ANAPC4: variants seen among roughly 807,000 people sequenced by gnomAD.
ANAPC4 encodes the protein anaphase promoting complex subunit 4.
Under a neutral mutation model 119.8 loss-of-function variants are expected in ANAPC4, and 63 were observed. That is an observed-to-expected ratio of 0.53 (90% confidence interval 0.43 to 0.65). ANAPC4 has a LOEUF of 0.65. Ranked by LOEUF, ANAPC4 falls within the 30% of genes least tolerant of loss-of-function variation. The pLI is 0.00. For missense variants in ANAPC4, 716 were observed against 945.1 expected, an observed-to-expected ratio of 0.76 and a Z score of 3.18; for synonymous variants, 283 against 318.6, an observed-to-expected ratio of 0.89 and a Z score of 1.19.
chr4:25,401,290 G>A (rs901132187), intron 16 of ANAPC4, among the ~76,000 whole-genome samples: 1 of 145,960 alleles, frequency 6.9e-6, no homozygotes, highest in African/African-American at 2.8e-5. Flanking sequence ...AATCTGTGTA[G>A]GTTGGGGCAG....
chr4:25,403,537 G>C (rs898281456), intron 17 of ANAPC4, among the ~76,000 whole-genome samples: 1 of 151,746 alleles, frequency 6.6e-6, no homozygotes, highest in Non-Finnish European at 1.5e-5. Context: ...GATTTTAAAA[G>C]TAAAAAAGAA....
intron 25 of ANAPC4, 44 bp from the exon 26 acceptor site, chr4:25,415,422 G>C (rs1291407765): frequency 2.0e-6 from 3 of 1,464,784 alleles, no homozygotes; most frequent in African/African-American, 2.8e-5. Context: ...TGACTATCCA[G>C]GTTGTTCCAC....
intron 3 of ANAPC4, among the ~76,000 whole-genome samples, chr4:25,382,452 A>G (rs1721788587): frequency 6.6e-6 from 1 of 152,248 alleles, no homozygotes; most frequent in Non-Finnish European, 1.5e-5. Context: ...AAGTAAAGTT[A>G]TGAGATCTTG....
At chr4:25,386,028 C>T (rs1263355299) in intron 4 of ANAPC4, among the ~76,000 whole-genome samples, 1 of 152,076 alleles carries the variant, frequency 6.6e-6, no homozygotes, top group Non-Finnish European at 1.5e-5. Context: ...ATTCTCCTGC[C>T]TTAGCCTCGA....
chr4:25,399,287 A>G (rs1416143802), intron 16 of ANAPC4, among the ~76,000 whole-genome samples: 2 of 152,280 alleles, frequency 1.3e-5, no homozygotes, highest in East Asian at 3.9e-4. Flanking sequence ...CCCCTTTAGC[A>G]GTTATCCCAA....
rs1367052022 is a variant in ANAPC4, at chr4:25,418,498, A to G, written c.*116A>G. On this transcript the variant is annotated 3_prime_UTR_variant, in exon 29 of 29. Transcript: ENST00000315368. ...AATAAACAGTAAATTTTATTTTTTC[A>G]TATTCTGCTTCATCTTCTCTTAGTG... 4.9e-6 allele frequency: 4 copies of G among 824,676 alleles called. No individual in the cohort carries two copies. The highest frequency in any genetic ancestry group is 1.8e-5 in the South Asian group (1 of 54,680). The allele number at this position is 824,676 out of a possible 1,614,324, so 51.1% of individuals were successfully genotyped here.
intron 4 of ANAPC4, among the ~76,000 whole-genome samples, chr4:25,387,492 G>GT (rs1722101527): frequency 1.3e-5 from 2 of 152,138 alleles, no homozygotes; most frequent in Non-Finnish European, 2.9e-5. Context: ...ATTACAAATC[G>GT]TTATGTGAAT....
At position 25,405,035 on chromosome 4, in the gene ANAPC4, G is replaced by T. The variant is rs752460273; in HGVS notation, c.1271-538G>T. Among the ~76,000 whole-genome samples, 1 of 151,746 alleles carries T rather than the reference G, an allele frequency of 6.6e-6. No individual in the cohort carries two copies. Among genetic ancestry groups the T allele is most frequent in the Non-Finnish European group, 1.5e-5 (1 of 67,968 alleles). The stretch of plus-strand genomic sequence containing the variant: ...AGGCACATAAAACATACTTTGTCTT[G>T]ACTTAGGTGGAACGTAATACAAAAC... On this transcript the variant is annotated intron_variant, in intron 17 of 28. Transcript: ENST00000315368. This position sits in a 1 kb window ranked among gnomAD's most constrained non-coding sequence, Gnocchi z 4.6.
rs1723986210 is a variant in ANAPC4, at chr4:25,418,201, A to G, written c.2246A>G (p.Asp749Gly). 2 of 1,614,000 alleles carry G rather than the reference A, an allele frequency of 1.2e-6. No homozygotes were observed. Among genetic ancestry groups the G allele is most frequent in the African/African-American group, 1.3e-5 (1 of 74,930 alleles). ...GTGAGAGTATTTGAAATGGACATAG[A>G]TGATGAATGGGAGCTCGATGAGTCT... ...RHVRVFEMDI[D>G]DEWELDESSD... The change falls in exon 29 of 29, where the codon GAT (aspartate) becomes GGT (glycine). Residue 749 changes from aspartate (D) to glycine (G), a missense_variant. Physicochemically the swap from Asp to Gly is moderately conservative, Grantham distance 94 (BLOSUM62 -1). Coordinates refer to ENST00000315368, the MANE Select transcript of ANAPC4 (RefSeq NM_013367.3).
intron 12 of ANAPC4, 37 bp downstream of exon 12, chr4:25,394,411 CTTTTT>C (rs1201193338): frequency 1.3e-6 from 2 of 1,504,350 alleles, no homozygotes; most frequent in African/African-American, 2.9e-5. Context: ...GTTTTTGCTT[CTTTTT>C]TAACAGTAAT....
At position 25,413,569 on chromosome 4, in the gene ANAPC4, C is replaced by T. The variant is rs1320362209; in HGVS notation, c.1526-76C>T. ...GATAAACTGTGCAGACTGGCTCTAA[C>T]AGTAGATTATTTTCTTCTAATTATA... On this transcript the variant is annotated intron_variant, in intron 21 of 28. Coordinates refer to ENST00000315368, the MANE Select transcript of ANAPC4 (RefSeq NM_013367.3). 3.7e-6 allele frequency: 4 copies of T among 1,084,856 alleles called. No individual in the cohort carries two copies. The Admixed American group carries it at 8.4e-5, about 23-fold the overall frequency. The allele number at this position is 1,084,856 out of a possible 1,614,324, so 67.2% of individuals were successfully genotyped here.
intron 16 of ANAPC4, among the ~76,000 whole-genome samples, chr4:25,397,571 T>TC (rs1381759163): frequency 2.0e-5 from 3 of 152,146 alleles, no homozygotes; most frequent in African/African-American, 4.8e-5. Flanking sequence ...AAGGTAAACT[T>TC]TATCTCCTTT....
intron 3 of ANAPC4, among the ~76,000 whole-genome samples, chr4:25,381,218 GTATT>G (rs537042819): frequency 1.3e-5 from 2 of 152,250 alleles, no homozygotes; most frequent in African/African-American, 4.8e-5. Context: ...TAAATATAAA[GTATT>G]TAAAAATTTT....
rs375545447 is a variant in ANAPC4 at position 25,381,175 on chromosome 4, T to C, written c.235+696T>C. ...AAAAAAGTGAACTGTTTTTGTAAAA[T>C]ATGTGTTGTTCTTTGCTTAATTTTT... On this transcript the variant is annotated intron_variant, in intron 3 of 28. Transcript: ENST00000315368. Among the ~76,000 whole-genome samples, 57 of 152,340 alleles carry C rather than the reference T, an allele frequency of 3.7e-4. 2 individuals carry two copies. The East Asian group carries it at 9.0e-3, about 24-fold the overall frequency.
At chr4:25,415,954 AG>A (rs1396449082) in intron 26 of ANAPC4, 5 of 168,936 alleles carry the variant, frequency 3.0e-5, no homozygotes, top group African/African-American at 1.2e-4. Flanking sequence ...CGCAAGGGAA[AG>A]AAGTGACTAA....
At position 25,388,922 on chromosome 4, in the gene ANAPC4, A is replaced by G. The variant is rs769851498; in HGVS notation, c.515+40A>G. 13 of 1,491,066 alleles carry G rather than the reference A, an allele frequency of 8.7e-6. No homozygotes were observed. In the East Asian group the frequency reaches 2.1e-4, roughly 24 times the overall value. 92.4% of individuals were successfully genotyped at this position (1,491,066 alleles called of 1,614,324 possible). On this transcript the variant is annotated intron_variant, in intron 7 of 28. Transcript: ENST00000315368. ...TAAATAAGTCTAATTTCTTAAAGTT[A>G]TTTCATATTTGAGGCAGTTTTCAGA...
In ANAPC4 at chr4:25,415,515, G is replaced by A. The variant is rs753903477; in HGVS notation, c.1876G>A (p.Ala626Thr). 9.3e-6 allele frequency: 15 copies of A among 1,610,100 alleles called. 1 individual carries two copies. In the African/African-American group the frequency reaches 2.0e-4, roughly 22 times the overall value. ...IAIKFGSFTY[A>T]TTEKVRRSIY... is the part of the protein sequence containing the mutation. ...TATTAAATTTGGGAGCTTTACATAT[G>A]CCACAACAGAAAAAGTCAGAAGAAG... The change falls in exon 26 of 29, where the codon GCC becomes ACC. Residue 626 changes from alanine (A) to threonine (T), a missense_variant. Physicochemically the swap from Ala to Thr is moderately conservative, Grantham distance 58. Coordinates refer to ENST00000315368, the MANE Select transcript of ANAPC4 (RefSeq NM_013367.3).
In ANAPC4 at chr4:25,392,354, T is replaced by G; in HGVS notation, c.722T>G (p.Leu241Trp). The G allele has an allele frequency of 6.2e-7, 1 of 1,612,758 alleles. No homozygotes were observed. Among genetic ancestry groups the G allele is most frequent in the Non-Finnish European group, 8.5e-7 (1 of 1,178,778 alleles). Residue 241 changes from leucine (L) to tryptophan (W), a missense_variant, in exon 10 of 29, where the codon TTG becomes TGG. This residue lies in a region of ANAPC4 where 202 missense variants were observed against 293.5 expected (regional missense o/e 0.69). Coordinates refer to ENST00000315368, the MANE Select transcript of ANAPC4 (RefSeq NM_013367.3). Reference protein sequence around the residue: ...VSYFQLETNLLYSFLPEVTRM... With the variant: ...VSYFQLETNLWYSFLPEVTRM... ...ATTTTACAGCTTGAAACTAATCTGTTGTACTCTTTCTTACCTGAAGTAACT... is the reference window on the plus strand; with the variant it reads ...ATTTTACAGCTTGAAACTAATCTGTGGTACTCTTTCTTACCTGAAGTAACT...
chr4:25,397,175 C>G (rs1036773586), intron 16 of ANAPC4, among the ~76,000 whole-genome samples: 1 of 152,146 alleles, frequency 6.6e-6, no homozygotes, highest in African/African-American at 2.4e-5. Context: ...TATGGGTTAC[C>G]TCCATATTTC....
Sources: allele counts gnomAD v4.1 joint callset (sites outside exome capture counted in the v4.1 genomes callset), GRCh38; gene constraint gnomAD v4.1.1; regional missense constraint gnomAD v4.1.1; non-coding constraint Gnocchi (gnomAD v3.1); transcripts MANE v1.5; gene names NCBI Gene and HGNC (gene_info 2026-07-23, HGNC 2026-07-21).